SOX5: variants seen among roughly 807,000 people sequenced by gnomAD.
SOX5 encodes SRY-box transcription factor 5.
SOX5 carries 9 observed loss-of-function variants against 92.0 expected under a neutral mutation model. That is an observed-to-expected ratio of 0.10 (90% CI 0.06 to 0.17). The LOEUF (loss-of-function observed/expected upper bound fraction) is 0.17. Among genes scored for constraint, SOX5 ranks in the 10% least tolerant of loss-of-function variants. SOX5 has a pLI of 1.00. For synonymous variants in SOX5, 344 were observed against 336.3 expected, an observed-to-expected ratio of 1.02 and a Z score of -0.25; for missense variants, 642 against 944.5, an observed-to-expected ratio of 0.68 and a Z score of 4.20.
chr12:23,702,269 A>G (rs2090762365), intron 6 of SOX5, among the ~76,000 whole-genome samples: 1 of 152,080 alleles, frequency 6.6e-6, no homozygotes, highest in African/African-American at 2.4e-5. Context: ...CTCTTGCAGA[A>G]GTCATCTGTT....
chr12:23,653,026 AGATAGATG>A (rs1394800458), intron 7 of SOX5, among the ~76,000 whole-genome samples: 1,231 of 84,136 alleles, frequency 0.015, 19 homozygotes, highest in African/African-American at 0.062. Flanking sequence ...ATGAATGTAC[AGATAGATG>A]GATGGATGGA....
At chr12:24,469,255 G>A (rs372009528) in intron 1 of SOX5, among the ~76,000 whole-genome samples, 19 of 152,148 alleles carry the variant, frequency 1.2e-4, no homozygotes, top group Non-Finnish European at 2.4e-4. Context: ...GACAGGAGGT[G>A]GAGCTCAGAT....
intron 1 of SOX5, among the ~76,000 whole-genome samples, chr12:24,554,959 C>T (rs1056730098): frequency 6.6e-6 from 1 of 152,176 alleles, no homozygotes; most frequent in Non-Finnish European, 1.5e-5. Context: ...TTTAAAGTTA[C>T]AACAGGAGGG....
intron 6 of SOX5, among the ~76,000 whole-genome samples, chr12:23,704,866 T>C (rs887208044): frequency 1.3e-5 from 2 of 149,616 alleles, no homozygotes; most frequent in African/African-American, 4.9e-5. Context: ...CAATTCACTA[T>C]GGAAATTCTG....
intron 1 of SOX5, among the ~76,000 whole-genome samples, chr12:23,901,170 G>C (rs561974918): frequency 6.6e-6 from 1 of 152,170 alleles, no homozygotes; most frequent in Non-Finnish European, 1.5e-5. Context: ...AGAAAAGTCA[G>C]AGTCAGAGGA....
chr12:23,557,491 A>G (rs1945383951), intron 11 of SOX5, among the ~76,000 whole-genome samples: 1 of 152,266 alleles, frequency 6.6e-6, no homozygotes, highest in African/African-American at 2.4e-5. Flanking sequence ...ATATATGCAC[A>G]CATATGCATG....
chr12:24,056,747 G>A (rs180826116), intron 4 of SOX5, among the ~76,000 whole-genome samples: 30 of 151,534 alleles, frequency 2.0e-4, no homozygotes, highest in Non-Finnish European at 2.8e-4. Flanking sequence ...AGGCCGAGGC[G>A]GGCGGATCAC....
intron 3 of SOX5, among the ~76,000 whole-genome samples, chr12:24,231,576 G>A (rs1031544258): frequency 8.5e-5 from 13 of 152,082 alleles, no homozygotes; most frequent in African/African-American, 2.9e-4. Context: ...ATACACTGTC[G>A]GTTACTCAGA....
rs185769336 is a variant in SOX5, at chr12:24,294,515, C to T, written c.-173-17203G>A. Among the ~76,000 whole-genome samples the T allele has an allele frequency of 1.7e-4, 26 of 152,286 alleles. No homozygotes were observed. In the East Asian group the frequency reaches 5.0e-3, roughly 29 times the overall value. ...ATTTCATAAGCAAATGTGAATACCT[C>T]CATGCAAATGCCCACACTCTGAGAA... On this transcript the variant is annotated intron_variant, in intron 2 of 4. Coordinates refer to the SOX5 transcript ENST00000446891.
At chr12:24,471,441 T>C (rs1201092282) in intron 1 of SOX5, among the ~76,000 whole-genome samples, 4 of 152,196 alleles carry the variant, frequency 2.6e-5, no homozygotes, top group Non-Finnish European at 4.4e-5. Flanking sequence ...TCTGTAAAGA[T>C]GACAGTGCCC....
intron 4 of SOX5, among the ~76,000 whole-genome samples, chr12:24,163,367 C>G (rs1302294092): frequency 6.6e-6 from 1 of 152,080 alleles, no homozygotes; most frequent in Non-Finnish European, 1.5e-5. Context: ...GATCCAGGAT[C>G]TGGGAGGTAG....
chr12:23,574,877 C>T (rs1592202429), intron 10 of SOX5, among the ~76,000 whole-genome samples: 1 of 152,134 alleles, frequency 6.6e-6, no homozygotes, highest in African/African-American at 2.4e-5. Context: ...ATCCAACACT[C>T]TCCTCTCTTT....
At chr12:23,681,719 T>C (rs952207869) in intron 6 of SOX5, among the ~76,000 whole-genome samples, 2 of 151,800 alleles carry the variant, frequency 1.3e-5, no homozygotes, top group African/African-American at 4.8e-5. Flanking sequence ...TTTAGTGTTA[T>C]AGAAATAATA....
chr12:24,425,125 CTT>C (rs1167294106), intron 1 of SOX5, among the ~76,000 whole-genome samples: 3 of 152,148 alleles, frequency 2.0e-5, no homozygotes, highest in African/African-American at 7.2e-5. Context: ...AGCAGTTAGA[CTT>C]TGTCATGGGA....
At chr12:24,183,217 C>CA (rs1187520783) in intron 4 of SOX5, among the ~76,000 whole-genome samples, 1 of 152,092 alleles carries the variant, frequency 6.6e-6, no homozygotes, top group Non-Finnish European at 1.5e-5. Context: ...TTTTAAGTTC[C>CA]AATAAAACCA....
chr12:23,975,140 A>G (rs1317633606), intron 4 of SOX5, among the ~76,000 whole-genome samples: 3 of 152,102 alleles, frequency 2.0e-5, no homozygotes, highest in Non-Finnish European at 4.4e-5. Flanking sequence ...ATAGTCATAT[A>G]CTCTAACATG....
chr12:23,576,736 A>G (rs1040626535), intron 9 of SOX5, among the ~76,000 whole-genome samples: 2 of 152,138 alleles, frequency 1.3e-5, no homozygotes, highest in Admixed American at 6.5e-5. Context: ...ATTACATCAT[A>G]TAAGAATATA....
intron 2 of SOX5, among the ~76,000 whole-genome samples, chr12:24,314,797 T>C (rs1194766894): frequency 6.6e-6 from 1 of 152,212 alleles, no homozygotes; most frequent in African/African-American, 2.4e-5. Flanking sequence ...CTCTGTCCAC[T>C]ACCTGCCATC....
At chr12:23,826,237 A>G (rs569500584) in intron 3 of SOX5, among the ~76,000 whole-genome samples, 29 of 132,424 alleles carry the variant, frequency 2.2e-4, no homozygotes, top group African/African-American at 7.8e-4. Context: ...ATGTGTTCTC[A>G]TTGTTCAGTT....
Sources: allele counts gnomAD v4.1 joint callset (sites outside exome capture counted in the v4.1 genomes callset), GRCh38; gene constraint gnomAD v4.1.1; transcripts MANE v1.5; gene names NCBI Gene and HGNC (gene_info 2026-07-23, HGNC 2026-07-21).